The following CLVS1 variants were observed in gnomAD, a reference collection of about 807,000 sequenced individuals.
The protein encoded by CLVS1 is clavesin 1.
Under a neutral mutation model 33.1 loss-of-function variants are expected in CLVS1, and 10 were observed. That is an observed-to-expected ratio of 0.30 (90% confidence interval 0.19 to 0.51). The LOEUF (loss-of-function observed/expected upper bound fraction) is 0.51, where lower values mean the gene tolerates loss of function less well. Among genes scored for constraint, CLVS1 ranks in the 20% least tolerant of loss-of-function variants. The pLI is 0.97. For synonymous variants in CLVS1, 163 were observed against 166.1 expected (o/e 0.98, Z 0.14); for missense variants, 343 against 433.4 (o/e 0.79, Z 1.85).
chr8:61,252,914 A>G (rs1235671396), intron 2 of CLVS1, among the ~76,000 whole-genome samples: 1 of 152,096 alleles, frequency 6.6e-6, no homozygotes, highest in Non-Finnish European at 1.5e-5. Context: ...ATTTTATCAC[A>G]TTTACATTTA....
At chr8:61,448,471 A>AT (rs1366145913) in intron 3 of CLVS1, among the ~76,000 whole-genome samples, 2 of 151,828 alleles carry the variant, frequency 1.3e-5, no homozygotes, top group South Asian at 2.1e-4. Context: ...AGTAATTCCT[A>AT]TTTTTTTCTA....
chr8:61,154,290 G>A (rs759878561), intron 2 of CLVS1, among the ~76,000 whole-genome samples: 2 of 150,108 alleles, frequency 1.3e-5, no homozygotes, highest in East Asian at 1.9e-4. Context: ...GTTGATTTTT[G>A]TCTGCTCTGA....
chr8:61,319,619 C>A (rs141645364), intron 2 of CLVS1, among the ~76,000 whole-genome samples: 1 of 152,216 alleles, frequency 6.6e-6, no homozygotes, highest in South Asian at 2.1e-4. Flanking sequence ...GGCTTCAAGA[C>A]CCTCATTCCT....
chr8:61,049,749 T>C, the CLVS1 span, among the ~76,000 whole-genome samples: 6 of 152,254 alleles, frequency 3.9e-5, no homozygotes, highest in Admixed American at 2.0e-4. Context: ...AAAATAATTA[T>C]AGATCCTTTG....
intron 3 of CLVS1, among the ~76,000 whole-genome samples, chr8:61,396,237 A>G (rs1814523586): frequency 6.6e-6 from 1 of 152,180 alleles, no homozygotes; most frequent in Non-Finnish European, 1.5e-5. Flanking sequence ...TTCATTCACA[A>G]GTTTTCATAT....
rs144216246 is a variant in CLVS1 at position 61,458,498 on chromosome 8, G to A, written c.933G>A (p.Thr311=). ...TSYNAMHVKH[T]SSNLERECSP... ...ATAATGCAATGCACGTGAAGCATAC[G>A]TCCTCGAATCTGGAGAGAGAATGCT... The change falls in exon 5 of 6, where the codon ACG becomes ACA. Residue 311 remains threonine (T), a synonymous_variant. Coordinates refer to ENST00000325897, the MANE Select transcript of CLVS1 (RefSeq NM_173519.3). 278 of 1,613,530 alleles carry A rather than the reference G, an allele frequency of 1.7e-4. No homozygotes were observed. Among genetic ancestry groups the A allele is most frequent in the East Asian group, 6.0e-4 (27 of 44,848 alleles).
intron 2 of CLVS1, among the ~76,000 whole-genome samples, chr8:61,233,322 G>A (rs1295588431): frequency 2.0e-5 from 3 of 152,128 alleles, no homozygotes; most frequent in East Asian, 1.9e-4. Context: ...CGGAATTGGA[G>A]GATAATTGTT....
chr8:61,080,094 G>T (rs111237637), intron 1 of CLVS1, among the ~76,000 whole-genome samples: 1 of 152,232 alleles, frequency 6.6e-6, no homozygotes, highest in East Asian at 1.9e-4. Context: ...AGCAAATATC[G>T]TGAATATTCT....
the CLVS1 span, among the ~76,000 whole-genome samples, chr8:61,039,100 G>C: frequency 6.6e-6 from 1 of 151,994 alleles, no homozygotes; most frequent in African/African-American, 2.4e-5. Context: ...GTCTGAGGCT[G>C]GCCTATTTTG....
chr8:61,212,989 T>A (rs72654696), intron 2 of CLVS1, among the ~76,000 whole-genome samples: 12,269 of 151,962 alleles, frequency 0.081, 708 homozygotes, highest in East Asian at 0.15. Context: ...ACCGGTTAGG[T>A]TAGTGGCTTC....
chr8:61,121,061 G>A (rs1182943876), intron 1 of CLVS1, among the ~76,000 whole-genome samples: 1 of 152,002 alleles, frequency 6.6e-6, no homozygotes, highest in Admixed American at 6.5e-5. Flanking sequence ...CCAGGTGCGG[G>A]GTATAATCTC....
chr8:61,142,446 A>C (rs1161141087), intron 2 of CLVS1, among the ~76,000 whole-genome samples: 1 of 152,152 alleles, frequency 6.6e-6, no homozygotes, highest in Non-Finnish European at 1.5e-5. Context: ...GACTAATACA[A>C]TTGGGACGTT....
chr8:61,356,878 G>C (rs1812733342), intron 2 of CLVS1, among the ~76,000 whole-genome samples: 3 of 152,188 alleles, frequency 2.0e-5, no homozygotes, highest in Non-Finnish European at 4.4e-5. Flanking sequence ...TTTGGCTTGG[G>C]ATTGACTTGG....
At chr8:61,085,717 C>G (rs942032815) in intron 1 of CLVS1, among the ~76,000 whole-genome samples, 4 of 144,178 alleles carry the variant, frequency 2.8e-5, no homozygotes, top group Non-Finnish European at 4.5e-5. Flanking sequence ...ATGGTGAAAC[C>G]CCATCCCTAC....
chr8:61,451,399 A>G (rs1238124830), intron 3 of CLVS1, among the ~76,000 whole-genome samples: 2 of 152,198 alleles, frequency 1.3e-5, no homozygotes, highest in African/African-American at 4.8e-5. Context: ...TGGGGGGCAG[A>G]CACATTTTTA....
chr8:61,110,260 G>A (rs1321035650), intron 1 of CLVS1, among the ~76,000 whole-genome samples: 1 of 152,170 alleles, frequency 6.6e-6, no homozygotes, highest in African/African-American at 2.4e-5. Flanking sequence ...TCTGTGTGCT[G>A]TTAGGGAGCT....
At chr8:61,104,917 C>T (rs556520942) in intron 1 of CLVS1, among the ~76,000 whole-genome samples, 29 of 152,148 alleles carry the variant, frequency 1.9e-4, no homozygotes, top group Admixed American at 1.8e-3. Flanking sequence ...CAACCTCCGA[C>T]TCCTGGGTTC....
intron 2 of CLVS1, among the ~76,000 whole-genome samples, chr8:61,155,364 C>A (rs1013464008): frequency 6.6e-6 from 1 of 152,198 alleles, no homozygotes. Flanking sequence ...CTTCCTCTAT[C>A]CTGAGTCTGC....
At chr8:60,972,820 G>A in the CLVS1 span, among the ~76,000 whole-genome samples, 1 of 152,164 alleles carries the variant, frequency 6.6e-6, no homozygotes. Flanking sequence ...AAAAATTCAG[G>A]GAGGCAGATT....
Sources: allele counts gnomAD v4.1 joint callset (sites outside exome capture counted in the v4.1 genomes callset), GRCh38; gene constraint gnomAD v4.1.1; transcripts MANE v1.5; gene names NCBI Gene and HGNC (gene_info 2026-07-23, HGNC 2026-07-21).